The following RAPGEF4 variants were observed in gnomAD, a reference collection of about 807,000 sequenced individuals.
The protein encoded by RAPGEF4 is RAP guanine-nucleotide-exchange factor (GEF) 4.
A neutral mutation model predicts 147.9 loss-of-function variants in RAPGEF4; 66 were observed. The ratio of observed to expected loss-of-function variants is 0.45; its 90% CI spans 0.37 to 0.55. The LOEUF is 0.55. RAPGEF4 is among the 20% of genes least tolerant of loss of function. RAPGEF4 has a pLI of 0.00. For missense variants in RAPGEF4, 1,071 were observed against 1,257.3 expected, an observed-to-expected ratio of 0.85 and a Z score of 2.24; for synonymous variants, 419 against 442.7, an observed-to-expected ratio of 0.95 and a Z score of 0.67.
intron 6 of RAPGEF4, among the ~76,000 whole-genome samples, chr2:172,940,124 TTGTCTAA>T (rs1196609297): frequency 1.3e-5 from 2 of 152,156 alleles, no homozygotes; most frequent in African/African-American, 4.8e-5. Context: ...CACTTAGAAT[TTGTCTAA>T]TGTTTTTCTC....
chr2:172,828,426 C>T (rs1689926182), intron 4 of RAPGEF4, among the ~76,000 whole-genome samples: 2 of 152,178 alleles, frequency 1.3e-5, no homozygotes, highest in South Asian at 4.1e-4. Flanking sequence ...TCCTCAGGCT[C>T]TCCCTGTGGA....
intron 29 of RAPGEF4, among the ~76,000 whole-genome samples, chr2:173,039,704 A>G (rs1030705066): frequency 3.9e-5 from 6 of 152,212 alleles, no homozygotes; most frequent in African/African-American, 1.2e-4. Flanking sequence ...ACCTAGTCCC[A>G]TGAAAGGAAG....
chr2:172,834,705 G>A (rs1690733060), intron 4 of RAPGEF4, among the ~76,000 whole-genome samples: 1 of 152,108 alleles, frequency 6.6e-6, no homozygotes, highest in Non-Finnish European at 1.5e-5. Flanking sequence ...GAAAAAATCA[G>A]AAATCTGAAC....
At chr2:172,831,285 T>TTTTTTTTTTTTTTTTTTTTTTTTTTA (rs1690303455) in intron 4 of RAPGEF4, among the ~76,000 whole-genome samples, 1 of 142,218 alleles carries the variant, frequency 7.0e-6, no homozygotes, top group Non-Finnish European at 1.5e-5. Flanking sequence ...TTTTTTTTTT[T>TTTTTTTTTTTTTTTTTTTTTTTTTTA]GAGACAGAGT....
At chr2:173,047,789 G>A (rs987707113) in intron 29 of RAPGEF4, among the ~76,000 whole-genome samples, 3 of 151,870 alleles carry the variant, frequency 2.0e-5, no homozygotes, top group Non-Finnish European at 4.4e-5. Flanking sequence ...CCATTCTCCT[G>A]CCTCAGCCTC....
chr2:172,960,821 G>GTA lies in RAPGEF4; in HGVS notation c.591+8_591+9insTA, dbSNP rs1689210841. ...GCTAACACCATTACCAAGGTAATGGGATGTAGGTGGGTTGATGAGCCATTG... is the reference window on the plus strand; with the variant it reads ...GCTAACACCATTACCAAGGTAATGGGTAATGTAGGTGGGTTGATGAGCCATTG... On this transcript the variant is annotated intron_variant, in intron 7 of 30. Transcript: ENST00000397081. 1 of 1,597,064 alleles carries GTA rather than the reference G, an allele frequency of 6.3e-7. No homozygotes were observed. Among genetic ancestry groups the GTA allele is most frequent in the African/African-American group, 1.3e-5 (1 of 74,492 alleles).
At chr2:172,790,592 A>G (rs567936946) in intron 1 of RAPGEF4, among the ~76,000 whole-genome samples, 5 of 152,252 alleles carry the variant, frequency 3.3e-5, no homozygotes, top group Non-Finnish European at 7.4e-5. Flanking sequence ...GTTGATCTTG[A>G]CTGTCTCCCA....
At chr2:173,012,969 T>C (rs1695163097) in intron 17 of RAPGEF4, among the ~76,000 whole-genome samples, 1 of 152,198 alleles carries the variant, frequency 6.6e-6, no homozygotes, top group Admixed American at 6.5e-5. Context: ...AAGAAATAAT[T>C]TTCACATAAA....
chr2:172,811,954 C>T (rs1688065905), intron 3 of RAPGEF4, among the ~76,000 whole-genome samples: 1 of 152,202 alleles, frequency 6.6e-6, no homozygotes, highest in South Asian at 2.1e-4. Context: ...GAATAGTCTT[C>T]AGGGTGAAAA....
At chr2:172,802,816 G>T (rs1687110485) in intron 3 of RAPGEF4, among the ~76,000 whole-genome samples, 1 of 152,220 alleles carries the variant, frequency 6.6e-6, no homozygotes, top group African/African-American at 2.4e-5. Flanking sequence ...TACAGGCATT[G>T]GTTAAATACA....
intron 1 of RAPGEF4, among the ~76,000 whole-genome samples, chr2:172,747,254 T>C (rs925013637): frequency 3.3e-5 from 5 of 152,206 alleles, no homozygotes; most frequent in Non-Finnish European, 4.4e-5. Flanking sequence ...ATGTATGACT[T>C]GTTGCTTTGG....
chr2:173,035,215 A>T (rs939866431), intron 27 of RAPGEF4, among the ~76,000 whole-genome samples: 4 of 151,814 alleles, frequency 2.6e-5, no homozygotes, highest in Non-Finnish European at 4.4e-5. Context: ...TTTTTTAAAA[A>T]ACAGGGGTCT....
At chr2:172,740,930 C>T (rs1694242228) in intron 1 of RAPGEF4, among the ~76,000 whole-genome samples, 1 of 152,196 alleles carries the variant, frequency 6.6e-6, no homozygotes, top group South Asian at 2.1e-4. Context: ...ACACTCACGT[C>T]CTTTGGCTAA....
intron 4 of RAPGEF4, among the ~76,000 whole-genome samples, chr2:172,842,374 C>G (rs1392959450): frequency 6.6e-6 from 1 of 152,192 alleles, no homozygotes; most frequent in Admixed American, 6.5e-5. Context: ...TTAGTCTATT[C>G]TAGTTATCTA....
At chr2:172,899,728 A>C (rs1326215680) in intron 4 of RAPGEF4, among the ~76,000 whole-genome samples, 1 of 152,182 alleles carries the variant, frequency 6.6e-6, no homozygotes, top group East Asian at 1.9e-4. Context: ...AAAATCGGAC[A>C]GCTGATAGCA....
At chr2:173,020,153 G>A (rs1250775981) in intron 22 of RAPGEF4, among the ~76,000 whole-genome samples, 2 of 152,208 alleles carry the variant, frequency 1.3e-5, no homozygotes, top group South Asian at 2.1e-4. Flanking sequence ...GCTTAATCTA[G>A]TTAATGCTAT....
At chr2:172,962,977 A>G (rs1443234916) in intron 8 of RAPGEF4, among the ~76,000 whole-genome samples, 2 of 152,122 alleles carry the variant, frequency 1.3e-5, no homozygotes, top group Non-Finnish European at 2.9e-5. Flanking sequence ...TCACAGTTCC[A>G]CAGGCTTAAC....
chr2:172,989,035 A>G (rs1484034898), intron 14 of RAPGEF4, among the ~76,000 whole-genome samples, 196 bp downstream of exon 14: 1 of 152,250 alleles, frequency 6.6e-6, no homozygotes, highest in Non-Finnish European at 1.5e-5. Flanking sequence ...ATTCCAGTAA[A>G]GCTGCAAATG....
intron 29 of RAPGEF4, among the ~76,000 whole-genome samples, chr2:173,045,310 C>CT (rs1685321523): frequency 6.6e-6 from 1 of 152,182 alleles, no homozygotes; most frequent in Admixed American, 6.5e-5. Flanking sequence ...GGCATGACTT[C>CT]TTTTTAACTG....
Sources: gnomAD v4.1 joint callset for allele counts (sites outside exome capture counted in the v4.1 genomes callset) on GRCh38, gnomAD v4.1.1 for gene constraint, MANE v1.5 for transcripts, NCBI Gene and HGNC (gene_info 2026-07-23, HGNC 2026-07-21) for gene names.